DCUN1D3: variants seen among roughly 807,000 people sequenced by gnomAD.
The protein encoded by DCUN1D3 is defective in cullin neddylation 1 domain containing 3.
In DCUN1D3, 6 loss-of-function variants were observed where a neutral mutation model predicts 24.8. The ratio of observed to expected loss-of-function variants is 0.24; its 90% CI spans 0.13 to 0.48. The LOEUF (loss-of-function observed/expected upper bound fraction) is 0.48. DCUN1D3 is among the 20% of genes least tolerant of loss of function. The probability of loss-of-function intolerance (pLI) is 0.99; values close to 1 mark genes in which losing one functional copy is unlikely to be tolerated. For synonymous variants in DCUN1D3, 120 were observed against 144.9 expected, an observed-to-expected ratio of 0.83 and a Z score of 1.24; for missense variants, 258 against 379.4, an observed-to-expected ratio of 0.68 and a Z score of 2.66.
chr16:20,867,878 A>G (rs2081770169), intron 1 of DCUN1D3, among the ~76,000 whole-genome samples: 1 of 152,170 alleles, frequency 6.6e-6, no homozygotes, highest in African/African-American at 2.4e-5. Flanking sequence ...TCCTACTCAA[A>G]TACACCACTA....
intron 1 of DCUN1D3, among the ~76,000 whole-genome samples, chr16:20,898,640 G>A (rs961606963): frequency 2.6e-5 from 4 of 152,184 alleles, no homozygotes; most frequent in East Asian, 1.9e-4. Flanking sequence ...TTTAGGGCCC[G>A]AAAGCCCTGA....
intron 1 of DCUN1D3, among the ~76,000 whole-genome samples, chr16:20,882,289 G>C (rs1313278550): frequency 1.5e-5 from 2 of 129,712 alleles, no homozygotes; most frequent in African/African-American, 5.9e-5. Context: ...TTTCGCTTTT[G>C]TCACCCAGGC....
intron 1 of DCUN1D3, among the ~76,000 whole-genome samples, chr16:20,863,176 C>A (rs1351264420): frequency 6.6e-6 from 1 of 152,190 alleles, no homozygotes; most frequent in East Asian, 1.9e-4. Flanking sequence ...AGCCAAGCAG[C>A]AAAATGAAAT....
At chr16:20,873,098 G>T (rs2152517135) in intron 1 of DCUN1D3, among the ~76,000 whole-genome samples, 1 of 149,450 alleles carries the variant, frequency 6.7e-6, no homozygotes, top group East Asian at 2.0e-4. Flanking sequence ...TCCAGCCTGG[G>T]CTACAGAGCG....
rs1377822786 is a variant in DCUN1D3 at position 20,859,610 on chromosome 16, A to T, written c.*276T>A. ...AATTTGTGCAAGAAATGGCAGGCTTATTCTATCTGAAGGCTTCAAAAAAAG... is the reference window on the plus strand; with the variant it reads ...AATTTGTGCAAGAAATGGCAGGCTTTTTCTATCTGAAGGCTTCAAAAAAAG... On this transcript the variant is annotated 3_prime_UTR_variant, in exon 3 of 3. Coordinates refer to ENST00000324344, the MANE Select transcript of DCUN1D3 (RefSeq NM_173475.4). The T allele has an allele frequency of 7.4e-6, 2 of 270,706 alleles. No individual in the cohort carries two copies. The highest frequency in any genetic ancestry group is 2.3e-5 in the African/African-American group (1 of 44,396). The allele number at this position is 270,706 out of a possible 1,614,324, so 16.8% of individuals were successfully genotyped here. A position where few individuals can be genotyped will look rare whatever the true frequency, so the allele number is the denominator to read the frequency against.
intron 1 of DCUN1D3, among the ~76,000 whole-genome samples, chr16:20,887,713 C>G (rs1013121934): frequency 2.6e-5 from 4 of 152,238 alleles, no homozygotes; most frequent in African/African-American, 9.6e-5. Flanking sequence ...GCATGTGGAT[C>G]TGGGCTTTTC....
At position 20,860,667 on chromosome 16, in the gene DCUN1D3, G is replaced by C. The variant is rs2081727687; in HGVS notation, c.432-298C>G. ...TTCATCTTCCCAAAGCTAAACTCAA[G>C]TCTCCTGCTCCCTGCCCTGTTTCCC... On this transcript the variant is annotated intron_variant, in intron 2 of 2. Coordinates refer to ENST00000324344, the MANE Select transcript of DCUN1D3 (RefSeq NM_173475.4). This position sits in a 1 kb window ranked among gnomAD's most constrained non-coding sequence, Gnocchi z 4.3. Among the ~76,000 whole-genome samples, 1 of 152,130 alleles carries C rather than the reference G, an allele frequency of 6.6e-6. No individual in the cohort carries two copies. Among genetic ancestry groups the C allele is most frequent in the Non-Finnish European group, 1.5e-5 (1 of 68,016 alleles).
chr16:20,896,157 T>C (rs1294623284), intron 1 of DCUN1D3, among the ~76,000 whole-genome samples: 1 of 152,236 alleles, frequency 6.6e-6, no homozygotes, highest in East Asian at 1.9e-4. Context: ...AGGTGAGGTA[T>C]ATTAAATGCA....
chr16:20,893,143 T>C (rs1040765414), intron 1 of DCUN1D3, among the ~76,000 whole-genome samples: 2 of 152,106 alleles, frequency 1.3e-5, no homozygotes, highest in African/African-American at 2.4e-5. Context: ...TGCCTAGAGC[T>C]TGCTCTGTAA....
chr16:20,880,199 T>C lies in DCUN1D3; in HGVS notation c.-105-17556A>G, dbSNP rs141190570. On this transcript the variant is annotated intron_variant, in intron 1 of 2. Transcript: ENST00000324344. ...AAAACATTCATGGCTCCCAAGCAAATAGTCAAATATAAAAAGTACATAGAA... is the reference window on the plus strand; with the variant it reads ...AAAACATTCATGGCTCCCAAGCAAACAGTCAAATATAAAAAGTACATAGAA... Among the ~76,000 whole-genome samples, 229 of 152,192 alleles carry C rather than the reference T, an allele frequency of 1.5e-3. 1 individual carries two copies. Among genetic ancestry groups the C allele is most frequent in the African/African-American group, 5.3e-3 (221 of 41,494 alleles).
chr16:20,879,474 C>T (rs946376292), intron 1 of DCUN1D3, among the ~76,000 whole-genome samples: 20 of 151,020 alleles, frequency 1.3e-4, no homozygotes, highest in Admixed American at 2.0e-4. Flanking sequence ...CTGAATATGA[C>T]TCATTTTTCA....
In DCUN1D3 at chr16:20,900,337, T is replaced by G. The variant is rs1161447516; in HGVS notation, c.-239A>C. The G allele has an allele frequency of 7.1e-6, 1 of 141,342 alleles. No homozygotes were observed. The highest frequency in any genetic ancestry group is 1.5e-5 in the Non-Finnish European group (1 of 64,714). 8.8% of individuals were successfully genotyped at this position (141,342 alleles called of 1,614,324 possible). On this transcript the variant is annotated 5_prime_UTR_variant, in exon 1 of 3. Coordinates refer to ENST00000324344, the MANE Select transcript of DCUN1D3 (RefSeq NM_173475.4). ...CCGCCGCCGCCTCTTCTTCCACCAC[T>G]GCCACCGCCTCCTCTTCATCTGCGG...
chr16:20,887,769 A>C (rs2081873961), intron 1 of DCUN1D3, among the ~76,000 whole-genome samples: 1 of 152,226 alleles, frequency 6.6e-6, no homozygotes. Context: ...TGGCTGAAAT[A>C]AATCTATTTC....
intron 1 of DCUN1D3, among the ~76,000 whole-genome samples, chr16:20,894,967 T>A (rs544835593): frequency 6.6e-6 from 1 of 152,158 alleles, no homozygotes; most frequent in Non-Finnish European, 1.5e-5. Flanking sequence ...AGGTTCTACA[T>A]TGGCAGATTC....
Position 20,862,658 on chromosome 16 carries a change from G to C in DCUN1D3, c.-105-15C>G. 1.1e-5 allele frequency: 17 copies of C among 1,514,048 alleles called. No homozygotes were observed. The highest frequency in any genetic ancestry group is 1.3e-5 in the Non-Finnish European group (15 of 1,142,278). 93.8% of individuals were successfully genotyped at this position (1,514,048 alleles called of 1,614,324 possible). ...AGCCAGCCAACCTGGAAGGAAATTA[G>C]AAAGCCATCACCTCTGGGTGGGGGA... On this transcript the variant is annotated splice_polypyrimidine_tract_variant and intron_variant, in intron 1 of 2. Transcript: ENST00000324344.
chr16:20,895,174 A>C (rs1213120454), intron 1 of DCUN1D3, among the ~76,000 whole-genome samples: 1 of 152,164 alleles, frequency 6.6e-6, no homozygotes, highest in African/African-American at 2.4e-5. Flanking sequence ...CGGCTACTAC[A>C]GCCTCAACTT....
chr16:20,864,131 A>G (rs1411318317), intron 1 of DCUN1D3, among the ~76,000 whole-genome samples: 1 of 152,152 alleles, frequency 6.6e-6, no homozygotes, highest in Non-Finnish European at 1.5e-5. Context: ...TGGGATCCAT[A>G]ATAATTAAAC....
Position 20,860,599 on chromosome 16 carries a change from T to C in DCUN1D3, c.432-230A>G, listed in dbSNP as rs2081727017. ...TTACTATTCTGCTTCTAACAGTGCC[T>C]GGCACACGGTTGGCAGCTGATAATG... On this transcript the variant is annotated intron_variant, in intron 2 of 2. Coordinates refer to ENST00000324344, the MANE Select transcript of DCUN1D3 (RefSeq NM_173475.4). This position sits in a 1 kb window ranked among gnomAD's most constrained non-coding sequence, Gnocchi z 4.3. Among the ~76,000 whole-genome samples, 2 of 152,218 alleles carry C rather than the reference T, an allele frequency of 1.3e-5. No individual in the cohort carries two copies. The highest frequency in any genetic ancestry group is 1.3e-4 in the Admixed American group (2 of 15,282).
rs117262804 is a variant in DCUN1D3, at chr16:20,888,328, A to T, written c.-106+11876T>A. 1.4e-3 allele frequency among the ~76,000 whole-genome samples: 217 copies of T among 152,354 alleles called. 3 individuals carry two copies. The East Asian group carries it at 0.026, about 18-fold the overall frequency. ...TTTACTGTGATTACCCTCACTCCAT[A>T]CATGAGGAAGCTGAGGCTTAGAGAG... On this transcript the variant is annotated intron_variant, in intron 1 of 2. Coordinates refer to ENST00000324344, the MANE Select transcript of DCUN1D3 (RefSeq NM_173475.4).
Sources: allele counts gnomAD v4.1 joint callset (sites outside exome capture counted in the v4.1 genomes callset), GRCh38; gene constraint gnomAD v4.1.1; non-coding constraint Gnocchi (gnomAD v3.1); transcripts MANE v1.5; gene names NCBI Gene and HGNC (gene_info 2026-07-23, HGNC 2026-07-21).